The following PLXNA4 variants were observed in gnomAD, a reference collection of about 807,000 sequenced individuals.
PLXNA4 encodes the protein plexin A4, also known as plexin-A4.
PLXNA4 carries 44 observed loss-of-function variants against 191.8 expected under a neutral mutation model. The observed-to-expected ratio is 0.23, with a 90% CI of 0.18 to 0.29. PLXNA4 has a LOEUF of 0.29. PLXNA4 is among the 10% of genes least tolerant of loss of function. The probability of loss-of-function intolerance (pLI) is 1.00; values close to 1 mark genes in which losing one functional copy is unlikely to be tolerated. For synonymous variants in PLXNA4, 1,082 were observed against 1,009.5 expected, an observed-to-expected ratio of 1.07 and a Z score of -1.36; for missense variants, 1,800 against 2,488.8, an observed-to-expected ratio of 0.72 and a Z score of 5.89.
At chr7:132,505,758 A>T (rs191209564) in intron 2 of PLXNA4, among the ~76,000 whole-genome samples, 4 of 152,228 alleles carry the variant, frequency 2.6e-5, no homozygotes, top group African/African-American at 7.2e-5. Flanking sequence ...AATACATCTC[A>T]CCACAGACCC....
chr7:132,343,756 A>G (rs759450332), intron 3 of PLXNA4, among the ~76,000 whole-genome samples: 14 of 152,170 alleles, frequency 9.2e-5, no homozygotes, highest in Non-Finnish European at 1.8e-4. Flanking sequence ...CCATCTCTAC[A>G]GAATACAAAA....
intron 3 of PLXNA4, among the ~76,000 whole-genome samples, chr7:132,419,262 G>A (rs1040676219): frequency 9.2e-5 from 14 of 152,200 alleles, no homozygotes; most frequent in East Asian, 1.9e-4. Context: ...TTCTTCTGGG[G>A]AGAAAAATGC....
intron 3 of PLXNA4, among the ~76,000 whole-genome samples, chr7:132,303,148 C>T (rs1429913020): frequency 6.6e-6 from 1 of 151,664 alleles, no homozygotes; most frequent in Non-Finnish European, 1.5e-5. Flanking sequence ...GCTGGGATTA[C>T]AGGCGTGAGC....
intron 2 of PLXNA4, among the ~76,000 whole-genome samples, chr7:132,601,069 A>G (rs954938404): frequency 3.3e-5 from 5 of 152,154 alleles, no homozygotes; most frequent in African/African-American, 1.2e-4. Flanking sequence ...TCTATCAAAT[A>G]TTTATTGAAT....
At chr7:132,315,791 G>A (rs1801921619) in intron 3 of PLXNA4, among the ~76,000 whole-genome samples, 1 of 152,202 alleles carries the variant, frequency 6.6e-6, no homozygotes, top group African/African-American at 2.4e-5. Context: ...GAGCCATGAG[G>A]AAGAATATGT....
chr7:132,177,110 T>C (rs527835034), intron 20 of PLXNA4, among the ~76,000 whole-genome samples: 33 of 152,092 alleles, frequency 2.2e-4, no homozygotes, highest in African/African-American at 6.0e-4. Flanking sequence ...AGTGTATGTA[T>C]GTGAAAGCAT....
intron 9 of PLXNA4, among the ~76,000 whole-genome samples, chr7:132,214,566 G>A (rs1208620047): frequency 6.6e-6 from 1 of 151,972 alleles, no homozygotes; most frequent in African/African-American, 2.4e-5. Context: ...TCCCACCCCA[G>A]CATCCCAGAT....
intron 4 of PLXNA4, among the ~76,000 whole-genome samples, chr7:132,247,647 C>A (rs931757634): frequency 1.3e-5 from 2 of 152,144 alleles, no homozygotes; most frequent in African/African-American, 2.4e-5. Flanking sequence ...CATCTCCACC[C>A]GCCTTCATCT....
intron 3 of PLXNA4, among the ~76,000 whole-genome samples, chr7:132,365,358 T>TGTGTGTGTGCGCGCGCGC (rs377067193): frequency 1.5e-5 from 2 of 133,594 alleles, no homozygotes; most frequent in Admixed American, 7.4e-5. Context: ...TGTGTGTGTG[T>TGTGTGTGTGCGCGCGCGC]GTGCGTGCGC....
intron 24 of PLXNA4, among the ~76,000 whole-genome samples, chr7:132,160,353 G>T (rs9649039): frequency 0.57 from 86,629 of 152,110 alleles, 29,707 homozygotes; most frequent in East Asian, 0.8. Context: ...CATAGTTCAG[G>T]GCCTCCATTT....
intron 2 of PLXNA4, among the ~76,000 whole-genome samples, chr7:132,639,399 T>A (rs1173877227): frequency 1.3e-5 from 2 of 152,006 alleles, no homozygotes; most frequent in Non-Finnish European, 2.9e-5. Flanking sequence ...CTCCCCAAAC[T>A]CTCACCATCA....
At chr7:132,625,906 T>G (rs1803361292) in intron 2 of PLXNA4, among the ~76,000 whole-genome samples, 1 of 152,164 alleles carries the variant, frequency 6.6e-6, no homozygotes, top group African/African-American at 2.4e-5. Context: ...GGAAATATAT[T>G]TCAGGGTTTG....
At chr7:132,282,519 T>A (rs1800517067) in intron 4 of PLXNA4, among the ~76,000 whole-genome samples, 1 of 149,694 alleles carries the variant, frequency 6.7e-6, no homozygotes, top group Non-Finnish European at 1.5e-5. Flanking sequence ...AAGGATGGCT[T>A]GAACCTGGGA....
chr7:132,228,607 C>T, intron 5 of PLXNA4, 138 bp from the exon 6 acceptor site: 1 of 1,126,880 alleles, frequency 8.9e-7, no homozygotes, highest in Non-Finnish European at 1.2e-6. Flanking sequence ...TTTTTGTGTC[C>T]TTCCTCAAGC....
intron 3 of PLXNA4, among the ~76,000 whole-genome samples, chr7:132,314,772 A>G (rs1801880996): frequency 6.6e-6 from 1 of 152,208 alleles, no homozygotes; most frequent in South Asian, 2.1e-4. Context: ...CTCAACGTAG[A>G]CCAGGAAAAG....
intron 1 of PLXNA4, among the ~76,000 whole-genome samples, chr7:132,524,877 CA>C (rs200193268): frequency 4.0e-5 from 6 of 151,220 alleles, no homozygotes; most frequent in Non-Finnish European, 7.4e-5. Flanking sequence ...AGACTTTTTT[CA>C]AAAAAAACAT....
chr7:132,164,819 A>T (rs1233083074), intron 23 of PLXNA4, among the ~76,000 whole-genome samples: 3 of 148,690 alleles, frequency 2.0e-5, no homozygotes, highest in African/African-American at 7.8e-5. Flanking sequence ...GAGGAAAAGC[A>T]GAGAAATAAT....
intron 3 of PLXNA4, among the ~76,000 whole-genome samples, chr7:132,330,707 G>T (rs1410769190): frequency 6.6e-6 from 1 of 152,102 alleles, no homozygotes; most frequent in Non-Finnish European, 1.5e-5. Flanking sequence ...GCTGTGCTAT[G>T]GGTCTGATCT....
At chr7:132,387,270 A>G (rs529432288) in intron 3 of PLXNA4, among the ~76,000 whole-genome samples, 1 of 152,368 alleles carries the variant, frequency 6.6e-6, no homozygotes, top group African/African-American at 2.4e-5. Flanking sequence ...CTGCCTTTGC[A>G]TAAAATTCCC....
Sources: gnomAD v4.1 joint callset for allele counts (sites outside exome capture counted in the v4.1 genomes callset) on GRCh38, gnomAD v4.1.1 for gene constraint, MANE v1.5 for transcripts, NCBI Gene and HGNC (gene_info 2026-07-23, HGNC 2026-07-21) for gene names.